POTEC: variants seen among roughly 807,000 people sequenced by gnomAD.
POTEC encodes the protein ANKRD26-like family B member 2.
POTEC carries 35 observed loss-of-function variants against 62.0 expected under a neutral mutation model. The ratio of observed to expected loss-of-function variants is 0.56; its 90% CI spans 0.43 to 0.75. The LOEUF is 0.75. Ranked by LOEUF, POTEC falls within the 30% of genes least tolerant of loss-of-function variation. The probability of loss-of-function intolerance (pLI) is 0.00; values close to 1 mark genes in which losing one functional copy is unlikely to be tolerated. For synonymous variants in POTEC, 156 were observed against 221.5 expected, an observed-to-expected ratio of 0.70 and a Z score of 2.62; for missense variants, 472 against 655.9, an observed-to-expected ratio of 0.72 and a Z score of 3.06.
Position 14,516,298 on chromosome 18 carries a change from TTATATATATATATA to T in POTEC, c.1410-2527_1410-2514del, listed in dbSNP as rs200611192. Among the ~76,000 whole-genome samples the T allele has an allele frequency of 4.1e-3, 104 of 25,126 alleles. 15 individuals carry two copies. Among genetic ancestry groups the T allele is most frequent in the East Asian group, 0.019 (17 of 878 alleles). The allele number at this position is 25,126 out of a possible 152,430, so 16.5% of individuals were successfully genotyped here. On this transcript the variant is annotated intron_variant, in intron 9 of 10. Transcript: ENST00000358970. ...ACTGATGAGTGGAATAAAGAAAATT[TTATATATATATATA>T]TATATATATATATATATATATATAC...
At position 14,543,024 on chromosome 18, in the gene POTEC, G is replaced by C; in HGVS notation, c.123C>G (p.Ser41Arg). Residue 41 changes from serine to arginine, a missense_variant, in exon 1 of 11, where the codon AGC becomes AGG. Coordinates refer to ENST00000358970, the MANE Select transcript of POTEC (RefSeq NM_001137671.2). ...CGTGGTCTCCAGAAGTGCCCATGTT[G>C]CTCTTGCCGCTCCCCTTGCAGCAGG... is the stretch of plus-strand genomic sequence containing the variant. ...RFPCCKGSGK[S>R]NMGTSGDHDD... The C allele has an allele frequency of 6.2e-7, 1 of 1,605,936 alleles. No homozygotes were observed. Among genetic ancestry groups the C allele is most frequent in the Middle Eastern group, 1.7e-4 (1 of 6,050 alleles).
intron 4 of POTEC, among the ~76,000 whole-genome samples, chr18:14,533,600 T>C (rs1334574951): frequency 6.6e-6 from 1 of 152,172 alleles, no homozygotes; most frequent in African/African-American, 2.4e-5. Flanking sequence ...CTCTGCATGC[T>C]GAAAGCAGTA....
rs1406818104 is a variant in POTEC, at chr18:14,511,892, T to C, written c.*6A>G. On this transcript the variant is annotated 3_prime_UTR_variant, in exon 11 of 11. Coordinates refer to ENST00000358970, the MANE Select transcript of POTEC (RefSeq NM_001137671.2). Reference sequence around the variant, plus strand: ...TCCCTTAGCTGGTTCTGATGTTTTGTTTCATCTAGTTCCAGTCTCCAGAAA... The same window carrying C: ...TCCCTTAGCTGGTTCTGATGTTTTGCTTCATCTAGTTCCAGTCTCCAGAAA... The C allele has an allele frequency of 6.2e-7, 1 of 1,613,652 alleles. No homozygotes were observed. The highest frequency in any genetic ancestry group is 1.7e-5 in the Admixed American group (1 of 60,000).
intron 3 of POTEC, among the ~76,000 whole-genome samples, chr18:14,537,210 CA>C (rs869231004): frequency 6.1e-5 from 4 of 65,514 alleles, no homozygotes; most frequent in Admixed American, 3.9e-4. Flanking sequence ...CACACACACA[CA>C]AAAAAAAAAA....
chr18:14,515,732 G>A (rs1215546691), intron 9 of POTEC, among the ~76,000 whole-genome samples: 1 of 151,778 alleles, frequency 6.6e-6, no homozygotes, highest in Non-Finnish European at 1.5e-5. Context: ...ATCAAAGTGA[G>A]CCAACAACCT....
chr18:14,536,095 C>T (rs1219722558), intron 3 of POTEC, among the ~76,000 whole-genome samples: 2 of 150,996 alleles, frequency 1.3e-5, no homozygotes, highest in Non-Finnish European at 2.9e-5. Context: ...TGGCAAAAAC[C>T]TCATCTCTAC....
At chr18:14,529,016 C>T (rs1910511313) in intron 6 of POTEC, 1 of 454,380 alleles carries the variant, frequency 2.2e-6, no homozygotes, top group African/African-American at 2.0e-5. Flanking sequence ...CATGTTCCTT[C>T]TGCCAAACAT....
intron 6 of POTEC, among the ~76,000 whole-genome samples, chr18:14,529,229 C>T (rs1435978275): frequency 1.3e-5 from 2 of 151,942 alleles, no homozygotes; most frequent in East Asian, 3.9e-4. Context: ...ATAAAAATGA[C>T]AATGATAATA....
In POTEC at chr18:14,522,293, T is replaced by C. The variant is rs1910332195; in HGVS notation, c.1370A>G (p.Asn457Ser). 4 of 1,591,028 alleles carry C rather than the reference T, an allele frequency of 2.5e-6. No individual in the cohort carries two copies. The East Asian group carries it at 8.9e-5, about 36-fold the overall frequency. Residue 457 changes from asparagine (N) to serine (S), a missense_variant, in exon 9 of 11, where the codon AAT (asparagine) becomes AGT (serine). Physicochemically the swap from Asn to Ser is conservative, Grantham distance 46. This residue lies in a region of POTEC where 83 missense variants were observed against 254.3 expected (regional missense o/e 0.33). Transcript: ENST00000358970. ...IPQRRSRKPE[N>S]QQFPDTENEE... ...ATTCTCAGTGTCAGGAAATTGCTGA[T>C]TTTCAGGTTTTCTGCTCCTCCTTTG... is the stretch of plus-strand genomic sequence containing the variant.
At chr18:14,518,291 G>A (rs1479254510) in intron 9 of POTEC, among the ~76,000 whole-genome samples, 1 of 151,050 alleles carries the variant, frequency 6.6e-6, no homozygotes, top group African/African-American at 2.4e-5. Flanking sequence ...AAATATACAG[G>A]ATGTTACAGG....
At chr18:14,540,426 T>C (rs1224021686) in intron 1 of POTEC, among the ~76,000 whole-genome samples, 1 of 152,188 alleles carries the variant, frequency 6.6e-6, no homozygotes, top group African/African-American at 2.4e-5. Flanking sequence ...AGAAATAAGT[T>C]TGATTATATT....
intron 9 of POTEC, among the ~76,000 whole-genome samples, chr18:14,519,191 T>G (rs941764948): frequency 2.0e-5 from 3 of 152,150 alleles, no homozygotes; most frequent in African/African-American, 7.2e-5. Context: ...CCAAGATTTT[T>G]GGCAGAGCAA....
intron 3 of POTEC, among the ~76,000 whole-genome samples, chr18:14,535,289 T>C (rs1905675277): frequency 1.0e-5 from 1 of 97,908 alleles, no homozygotes; most frequent in Non-Finnish European, 2.0e-5. Context: ...TTTTGGATGA[T>C]TTTTTTTTTC....
At chr18:14,512,988 C>T (rs1211948148) in intron 10 of POTEC, among the ~76,000 whole-genome samples, 1 of 152,184 alleles carries the variant, frequency 6.6e-6, no homozygotes, top group African/African-American at 2.4e-5. Context: ...TTTGCCATTG[C>T]AATAACTTTT....
intron 9 of POTEC, among the ~76,000 whole-genome samples, chr18:14,518,076 A>G (rs1326810180): frequency 6.6e-6 from 1 of 152,244 alleles, no homozygotes; most frequent in Non-Finnish European, 1.5e-5. Flanking sequence ...TGTTAGAATG[A>G]ACCATGTCAA....
chr18:14,537,221 AAAAAC>A (rs752707902), intron 3 of POTEC, among the ~76,000 whole-genome samples: 6,953 of 136,996 alleles, frequency 0.051, 264 homozygotes, highest in East Asian at 0.071. Flanking sequence ...AAAAAAAAAA[AAAAAC>A]AAAAAAAAAC....
chr18:14,525,460 A>C (rs1296796709), intron 6 of POTEC, among the ~76,000 whole-genome samples: 1 of 152,076 alleles, frequency 6.6e-6, no homozygotes, highest in African/African-American at 2.4e-5. Flanking sequence ...CATCCCAGAG[A>C]AAAGTTAAGA....
At chr18:14,525,233 C>A (rs1910406049) in intron 6 of POTEC, among the ~76,000 whole-genome samples, 4 of 151,954 alleles carry the variant, frequency 2.6e-5, no homozygotes, top group African/African-American at 9.7e-5. Flanking sequence ...AGAAACACAA[C>A]TTTAAAATAC....
At chr18:14,520,446 T>C (rs1248255998) in intron 9 of POTEC, among the ~76,000 whole-genome samples, 2 of 151,982 alleles carry the variant, frequency 1.3e-5, no homozygotes, top group Non-Finnish European at 2.9e-5. Context: ...AATCAGCCAA[T>C]TCTAGGACAG....
Sources: allele counts gnomAD v4.1 joint callset (sites outside exome capture counted in the v4.1 genomes callset), GRCh38; gene constraint gnomAD v4.1.1; regional missense constraint gnomAD v4.1.1; transcripts MANE v1.5; gene names NCBI Gene and HGNC (gene_info 2026-07-23, HGNC 2026-07-21).